The following GPX8 variants were observed in gnomAD, a reference collection of about 807,000 sequenced individuals.
GPX8 encodes the protein protein peroxidase GPX8.
GPX8 carries 12 observed loss-of-function variants against 17.8 expected under a neutral mutation model. The observed-to-expected ratio is 0.67, with a 90% CI of 0.43 to 1.09. The LOEUF (loss-of-function observed/expected upper bound fraction) is 1.09. Among genes scored for constraint, GPX8 ranks in the 50% least tolerant of loss-of-function variants. GPX8 has a pLI of 0.00. For synonymous variants in GPX8, 86 were observed against 88.1 expected (o/e 0.98, Z 0.14); for missense variants, 209 against 235.6 (o/e 0.89, Z 0.74).
chr5:55,164,326 G>A lies in GPX8; in HGVS notation c.*108G>A. On this transcript the variant is annotated 3_prime_UTR_variant, in exon 3 of 3. Transcript: ENST00000503787. ...AGTGTCTCACTCTGTCACCCAGGCT[G>A]GAGTGCAGTAGTGCGTTCTCAGCTC... is the stretch of plus-strand genomic sequence containing the variant. 2 of 750,208 alleles carry A rather than the reference G, an allele frequency of 2.7e-6. No individual in the cohort carries two copies. Among genetic ancestry groups the A allele is most frequent in the Non-Finnish European group, 3.9e-6 (2 of 515,870 alleles). 46.5% of individuals were successfully genotyped at this position (750,208 alleles called of 1,614,324 possible).
chr5:55,162,888 C>A (rs1216435762), intron 2 of GPX8, among the ~76,000 whole-genome samples: 1 of 152,044 alleles, frequency 6.6e-6, no homozygotes, highest in African/African-American at 2.4e-5. Flanking sequence ...ATCATAGAGC[C>A]CAAAGGTTAA....
At chr5:55,160,904 C>T in intron 1 of GPX8, 90 bp from the exon 2 acceptor site, 1 of 1,333,514 alleles carries the variant, frequency 7.5e-7, no homozygotes, top group Non-Finnish European at 1.0e-6. Context: ...TTATAGTCCC[C>T]CCCAAATTGT....
At chr5:55,160,489 A>G in intron 1 of GPX8, 93 bp downstream of exon 1, 2 of 909,646 alleles carry the variant, frequency 2.2e-6, no homozygotes, top group South Asian at 3.3e-5. Context: ...TTACATGGTC[A>G]TAAGTTGGAA....
At chr5:55,163,922 G>T in intron 2 of GPX8, 133 bp from the exon 3 acceptor site, 1 of 574,184 alleles carries the variant, frequency 1.7e-6, no homozygotes, top group South Asian at 4.7e-5. Flanking sequence ...CTTCGTTTGG[G>T]TGTTTTGTTT....
At position 55,161,261 on chromosome 5, in the gene GPX8, T is replaced by TA. The variant is rs773148641; in HGVS notation, c.466+7dup. Reference sequence around the variant, plus strand: ...TGCATTTAGATTTCTTGTTGGTAAATATCTGCCTTGCATATGCTGTTTTAA... The same window carrying TA: ...TGCATTTAGATTTCTTGTTGGTAAATAATCTGCCTTGCATATGCTGTTTTAA... On this transcript the variant is annotated splice_region_variant and intron_variant, in intron 2 of 2. Transcript: ENST00000503787. The TA allele has an allele frequency of 1.9e-6, 3 of 1,612,348 alleles. No homozygotes were observed. Among genetic ancestry groups the TA allele is most frequent in the Non-Finnish European group, 2.5e-6 (3 of 1,178,974 alleles).
chr5:55,160,854 T>G, intron 1 of GPX8, 140 bp from the exon 2 acceptor site: 1 of 871,772 alleles, frequency 1.1e-6, no homozygotes, highest in South Asian at 1.9e-5. Flanking sequence ...TCAATAGAAC[T>G]GTGTATGTCC....
Position 55,162,229 on chromosome 5 carries a change from CTA to C in GPX8, c.466+976_466+977del, listed in dbSNP as rs371124391. Reference sequence around the variant, plus strand: ...TGGCCAATATGGTGAAACCCCATCTCTATTAATAGTACAAAAATTAGCCAGGT... The same window carrying C: ...TGGCCAATATGGTGAAACCCCATCTCTTAATAGTACAAAAATTAGCCAGGT... On this transcript the variant is annotated intron_variant, in intron 2 of 2. Transcript: ENST00000503787. 2.0e-3 allele frequency among the ~76,000 whole-genome samples: 298 copies of C among 152,054 alleles called. 1 individual carries two copies. The highest frequency in any genetic ancestry group is 6.7e-3 in the African/African-American group (277 of 41,486).
Position 55,164,259 on chromosome 5 carries a change from A to G in GPX8, c.*41A>G, listed in dbSNP as rs777780543. ...TCTAATAGAACAGAGAAATGTCTCC[A>G]TGAGGGTTTGGTCTCATTTTAAACA... On this transcript the variant is annotated 3_prime_UTR_variant, in exon 3 of 3. Coordinates refer to ENST00000503787, the MANE Select transcript of GPX8 (RefSeq NM_001008397.4). The G allele has an allele frequency of 2.8e-6, 4 of 1,422,772 alleles. No individual in the cohort carries two copies. The highest frequency in any genetic ancestry group is 2.3e-5 in the Admixed American group (1 of 43,606). 88.1% of individuals were successfully genotyped at this position (1,422,772 alleles called of 1,614,324 possible). A position where few individuals can be genotyped will look rare whatever the true frequency, so the allele number is the denominator to read the frequency against.
In GPX8 at chr5:55,166,035, T is replaced by C. The variant is rs1214286515; in HGVS notation, c.*1817T>C. 6.6e-6 allele frequency: 1 copy of C among 152,250 alleles called. No homozygotes were observed. Among genetic ancestry groups the C allele is most frequent in the East Asian group, 1.9e-4 (1 of 5,198 alleles). 9.4% of individuals were successfully genotyped at this position (152,250 alleles called of 1,614,324 possible). ...TTGAATTCTGAGCCTCTAAGAAAAC[T>C]TATGCTCAGGTGGCCCCTCCAAGTG... On this transcript the variant is annotated 3_prime_UTR_variant, in exon 3 of 3. Transcript: ENST00000503787.
chr5:55,160,439 GTC>G (rs746436601), intron 1 of GPX8, 43 bp downstream of exon 1: 4 of 1,513,972 alleles, frequency 2.6e-6, no homozygotes, highest in East Asian at 2.3e-5. Flanking sequence ...ATTTTTCCTT[GTC>G]TCTGTTTATT....
rs1477997184 is a variant in GPX8 at position 55,166,692 on chromosome 5, A to C, written c.*2474A>C. ...TTCTGCATCAAAAAGTCTGGGACAC[A>C]GAGTGCTACAGGATGCCTGGGCTAA... On this transcript the variant is annotated 3_prime_UTR_variant, in exon 3 of 3. Transcript: ENST00000503787. 2 of 152,268 alleles carry C rather than the reference A, an allele frequency of 1.3e-5. No homozygotes were observed. Among genetic ancestry groups the C allele is most frequent in the Non-Finnish European group, 2.9e-5 (2 of 68,098 alleles). The allele number at this position is 152,268 out of a possible 1,614,324, so 9.4% of individuals were successfully genotyped here. A position where few individuals can be genotyped will look rare whatever the true frequency, so the allele number is the denominator to read the frequency against.
rs1333492350 is a variant in GPX8, at chr5:55,160,315, A to G, written c.123A>G (p.Lys41=). ...TLFLLQLKFL[K]PKINSFYAFE... Reference sequence around the variant, plus strand: ...TTCTTCTACAACTAAAATTCCTCAAACCTAAAATCAACAGCTTTTATGCCT... The same window carrying G: ...TTCTTCTACAACTAAAATTCCTCAAGCCTAAAATCAACAGCTTTTATGCCT... Residue 41 remains lysine, a synonymous_variant, in exon 1 of 3, where the codon AAA becomes AAG. Transcript: ENST00000503787. 1 of 1,613,890 alleles carries G rather than the reference A, an allele frequency of 6.2e-7. No homozygotes were observed. The highest frequency in any genetic ancestry group is 8.5e-7 in the Non-Finnish European group (1 of 1,179,852).
Position 55,165,583 on chromosome 5 carries a change from A to C in GPX8, c.*1365A>C, listed in dbSNP as rs571743480. 2 of 152,316 alleles carry C rather than the reference A, an allele frequency of 1.3e-5. No individual in the cohort carries two copies. The highest frequency in any genetic ancestry group is 4.1e-4 in the South Asian group (2 of 4,820). The allele number at this position is 152,316 out of a possible 1,614,324, so 9.4% of individuals were successfully genotyped here. Reference sequence around the variant, plus strand: ...GTATTTGGACCAAAGTTATTAGATAAACCAAAAATATTTCATGAAGCATCT... The same window carrying C: ...GTATTTGGACCAAAGTTATTAGATACACCAAAAATATTTCATGAAGCATCT... On this transcript the variant is annotated 3_prime_UTR_variant, in exon 3 of 3. Coordinates refer to ENST00000503787, the MANE Select transcript of GPX8 (RefSeq NM_001008397.4).
intron 2 of GPX8, among the ~76,000 whole-genome samples, chr5:55,162,795 A>G (rs1158765148): frequency 6.6e-6 from 1 of 152,250 alleles, no homozygotes; most frequent in Non-Finnish European, 1.5e-5. Context: ...CTTTATCACT[A>G]CAAACCTTCT....
chr5:55,164,130 G>A lies in GPX8; in HGVS notation c.542G>A (p.Trp181Ter). 1 of 1,607,218 alleles carries A rather than the reference G, an allele frequency of 6.2e-7. No homozygotes were observed. Among genetic ancestry groups the A allele is most frequent in the Non-Finnish European group, 8.5e-7 (1 of 1,175,200 alleles). Residue 181 changes from tryptophan to a stop codon, truncating the protein, a stop_gained, in exon 3 of 3, where the codon TGG becomes TAG. Transcript: ENST00000503787. LOFTEE classifies it high-confidence loss of function. Reference sequence around the variant, plus strand: ...CCTGAGGGTCAAGTTGTGAAGTTCTGGAAGCCAGAGGAGCCCATTGAAGTC... The same window carrying A: ...CCTGAGGGTCAAGTTGTGAAGTTCTAGAAGCCAGAGGAGCCCATTGAAGTC... ...VNPEGQVVKFWKPEEPIEVIR... is the reference protein window; with the variant it reads ...VNPEGQVVKF
intron 2 of GPX8, among the ~76,000 whole-genome samples, 176 bp from the exon 3 acceptor site, chr5:55,163,879 A>T (rs1465975690): frequency 6.7e-6 from 1 of 150,304 alleles, no homozygotes; most frequent in Admixed American, 6.7e-5. Context: ...CATCAAGTAT[A>T]TTGAAATCTG....
intron 2 of GPX8, among the ~76,000 whole-genome samples, chr5:55,163,837 A>G (rs567895807): frequency 6.7e-6 from 1 of 149,468 alleles, no homozygotes; most frequent in East Asian, 2.0e-4. Context: ...TACTAAGATC[A>G]CATACTAGAT....
rs763120289 is a variant in GPX8 at position 55,160,215 on chromosome 5, C to T, written c.23C>T (p.Pro8Leu). MEPLAAYPLKCSGPRAKV... is the reference protein window; with the variant it reads MEPLAAYLLKCSGPRAKV... ...AACATGGAGCCTCTTGCAGCTTACC[C>T]GCTAAAATGTTCCGGGCCCAGAGCA... The change falls in exon 1 of 3, where the codon CCG becomes CTG. Residue 8 changes from proline (P) to leucine (L), a missense_variant. Transcript: ENST00000503787. The T allele has an allele frequency of 6.2e-7, 1 of 1,614,012 alleles. No homozygotes were observed. Among genetic ancestry groups the T allele is most frequent in the Non-Finnish European group, 8.5e-7 (1 of 1,179,896 alleles).
intron 2 of GPX8, among the ~76,000 whole-genome samples, chr5:55,162,393 T>TTAAA (rs948878619): frequency 6.6e-6 from 1 of 152,172 alleles, no homozygotes; most frequent in Non-Finnish European, 1.5e-5. Context: ...AGCCTGCATC[T>TTAAA]TAAATAAATA....
Sources: gnomAD v4.1 joint callset for allele counts (sites outside exome capture counted in the v4.1 genomes callset) on GRCh38, gnomAD v4.1.1 for gene constraint, MANE v1.5 for transcripts, NCBI Gene and HGNC (gene_info 2026-07-23, HGNC 2026-07-21) for gene names.